The following RBFOX1 variants were observed in gnomAD, a reference collection of about 807,000 sequenced individuals.
RBFOX1 encodes RNA binding protein fox-1 homolog 1.
RBFOX1 carries 8 observed loss-of-function variants against 57.7 expected under a neutral mutation model. That is an observed-to-expected ratio of 0.14 (90% CI 0.08 to 0.25). The LOEUF is 0.25. Ranked by LOEUF, RBFOX1 falls within the 10% of genes least tolerant of loss-of-function variation. The probability of loss-of-function intolerance (pLI) is 1.00; values close to 1 mark genes in which losing one functional copy is unlikely to be tolerated. For synonymous variants in RBFOX1, 326 were observed against 222.4 expected (o/e 1.47, Z -4.15); for missense variants, 611 against 548.5 (o/e 1.11, Z -1.14).
At chr16:5,584,051 C>A (rs940519924) in intron 2 of RBFOX1, among the ~76,000 whole-genome samples, 1 of 152,118 alleles carries the variant, frequency 6.6e-6, no homozygotes, top group African/African-American at 2.4e-5. Flanking sequence ...TCCAAGTATC[C>A]CATTTCTGCA....
At position 7,518,231 on chromosome 16, in the gene RBFOX1, C is replaced by A; in HGVS notation, c.112C>A (p.Pro38Thr). The change falls in exon 5 of 16, where the codon CCC (proline) becomes ACC (threonine). Residue 38 changes from proline (P) to threonine (T), a missense_variant. Pro to Thr is a conservative substitution (Grantham distance 38). This residue lies in a region of RBFOX1 where 245 missense variants were observed against 159.1 expected (regional missense o/e 1.54). Transcript: ENST00000550418. ...AQFAPPQNGI[P>T]AEYTAPHPHP... ...GTTTGCTCCCCCGCAGAACGGTATCCCCGCGGAATACACGGCCCCTCATCC... is the reference window on the plus strand; with the variant it reads ...GTTTGCTCCCCCGCAGAACGGTATCACCGCGGAATACACGGCCCCTCATCC... 1 of 1,614,136 alleles carries A rather than the reference C, an allele frequency of 6.2e-7. No individual in the cohort carries two copies. The highest frequency in any genetic ancestry group is 8.5e-7 in the Non-Finnish European group (1 of 1,180,010).
intron 3 of RBFOX1, among the ~76,000 whole-genome samples, chr16:6,732,201 A>C (rs777910136): frequency 6.6e-6 from 1 of 152,098 alleles, no homozygotes; most frequent in Non-Finnish European, 1.5e-5. Flanking sequence ...CTGCTTACTC[A>C]CAGTTGCTGC....
intron 1 of RBFOX1, among the ~76,000 whole-genome samples, chr16:5,449,249 T>C (rs1481283272): frequency 6.6e-6 from 1 of 152,102 alleles, no homozygotes; most frequent in African/African-American, 2.4e-5. Flanking sequence ...CCTTTCCTCT[T>C]CCTGAAATGC....
intron 3 of RBFOX1, among the ~76,000 whole-genome samples, chr16:6,996,592 T>A (rs1221257541): frequency 6.6e-6 from 1 of 152,214 alleles, no homozygotes; most frequent in Non-Finnish European, 1.5e-5. Context: ...AACGACTTTA[T>A]GCTTTAGGCA....
intron 1 of RBFOX1, among the ~76,000 whole-genome samples, chr16:6,107,669 A>C (rs368860082): frequency 9.0e-4 from 116 of 129,160 alleles, no homozygotes; most frequent in African/African-American, 3.1e-3. Flanking sequence ...GACTAGATGC[A>C]TGGGTGGATG....
chr16:6,124,243 G>A (rs1165502369), intron 1 of RBFOX1, among the ~76,000 whole-genome samples: 1 of 152,144 alleles, frequency 6.6e-6, no homozygotes, highest in Admixed American at 6.5e-5. Flanking sequence ...ATTCTCCTTT[G>A]CTACCCAGCT....
chr16:6,819,663 G>T lies in RBFOX1; in HGVS notation c.-16+165013G>T, dbSNP rs11866105. Among the ~76,000 whole-genome samples the T allele has an allele frequency of 6.5e-5, 9 of 137,636 alleles. No individual in the cohort carries two copies. In the East Asian group the frequency reaches 2.2e-3, roughly 33 times the overall value. The allele number at this position is 137,636 out of a possible 152,430, so 90.3% of individuals were successfully genotyped here. A position where few individuals can be genotyped will look rare whatever the true frequency, so the allele number is the denominator to read the frequency against. On this transcript the variant is annotated intron_variant, in intron 3 of 15. Coordinates refer to ENST00000550418, the MANE Select transcript of RBFOX1 (RefSeq NM_018723.4). ...GAGGTTGCAGTGAGCCAGGATCAAG[G>T]CATTGCATTCCAGCCTGGGCAACAA...
intron 4 of RBFOX1, among the ~76,000 whole-genome samples, chr16:7,336,896 T>C (rs774480020): frequency 7.2e-5 from 11 of 152,294 alleles, no homozygotes; most frequent in Non-Finnish European, 1.0e-4. Context: ...ACTTTCTTTA[T>C]CCCAGCTAAT....
At chr16:6,428,859 T>A (rs992859124) in intron 2 of RBFOX1, among the ~76,000 whole-genome samples, 9 of 152,214 alleles carry the variant, frequency 5.9e-5, no homozygotes, top group African/African-American at 2.2e-4. Flanking sequence ...AACGAGGCTG[T>A]GATTGTTTGT....
chr16:6,945,936 G>A (rs1568014992), intron 3 of RBFOX1, among the ~76,000 whole-genome samples: 1 of 152,184 alleles, frequency 6.6e-6, no homozygotes, highest in African/African-American at 2.4e-5. Context: ...GCCCCCAGGG[G>A]CGTTTACCAT....
intron 1 of RBFOX1, among the ~76,000 whole-genome samples, chr16:6,111,685 A>G (rs1356747712): frequency 6.6e-6 from 1 of 152,188 alleles, no homozygotes; most frequent in South Asian, 2.1e-4. Context: ...CAGTATTTCA[A>G]GGAGTTTAAT....
chr16:6,654,394 C>A (rs1233869374), intron 2 of RBFOX1, among the ~76,000 whole-genome samples: 1 of 152,194 alleles, frequency 6.6e-6, no homozygotes, highest in Admixed American at 6.5e-5. Context: ...ATAAAACTTA[C>A]TTATGAGATA....
chr16:7,510,512 G>T (rs142263433), intron 4 of RBFOX1, among the ~76,000 whole-genome samples: 7,242 of 129,926 alleles, frequency 0.056, 237 homozygotes, highest in East Asian at 0.13. Flanking sequence ...TGTGTGTGTG[G>T]GCGCGCGCGC....
chr16:5,830,044 G>A (rs1382597662), intron 3 of RBFOX1, among the ~76,000 whole-genome samples: 2 of 152,090 alleles, frequency 1.3e-5, no homozygotes, highest in African/African-American at 4.8e-5. Context: ...ACATTTCCTT[G>A]TAGGGTTTTT....
chr16:6,666,788 C>G (rs981643078), intron 3 of RBFOX1, among the ~76,000 whole-genome samples: 1 of 152,066 alleles, frequency 6.6e-6, no homozygotes, highest in Non-Finnish European at 1.5e-5. Context: ...ACAGGAAAAA[C>G]CTTGGCCACT....
intron 3 of RBFOX1, among the ~76,000 whole-genome samples, chr16:6,896,515 A>T (rs898245285): frequency 6.6e-6 from 1 of 152,164 alleles, no homozygotes; most frequent in African/African-American, 2.4e-5. Context: ...GTGAGAATAT[A>T]TGATGTCTGT....
intron 1 of RBFOX1, among the ~76,000 whole-genome samples, chr16:5,304,824 T>C (rs1174669822): frequency 9.2e-6 from 1 of 108,610 alleles, no homozygotes; most frequent in African/African-American, 2.9e-5. Flanking sequence ...AAGTTAGCCA[T>C]ATAAAGTGAT....
At chr16:6,216,038 C>G (rs1335573155) in intron 1 of RBFOX1, among the ~76,000 whole-genome samples, 1 of 152,050 alleles carries the variant, frequency 6.6e-6, no homozygotes, top group Non-Finnish European at 1.5e-5. Context: ...AACTGAAAAC[C>G]AAATACTGCA....
At chr16:7,569,276 A>G (rs2152755803) in intron 5 of RBFOX1, among the ~76,000 whole-genome samples, 1 of 152,322 alleles carries the variant, frequency 6.6e-6, no homozygotes, top group East Asian at 1.9e-4. Flanking sequence ...TAGCATGGGA[A>G]TCACCAGGTT....
Sources: allele counts gnomAD v4.1 joint callset (sites outside exome capture counted in the v4.1 genomes callset), GRCh38; gene constraint gnomAD v4.1.1; regional missense constraint gnomAD v4.1.1; transcripts MANE v1.5; gene names NCBI Gene and HGNC (gene_info 2026-07-23, HGNC 2026-07-21).